Variants in AOPEP observed in about 807,000 individuals in gnomAD.
The protein encoded by AOPEP is aminopeptidase O (putative).
A neutral mutation model predicts 98.1 loss-of-function variants in AOPEP; 77 were observed. The observed-to-expected ratio is 0.78, with a 90% CI of 0.65 to 0.95. The LOEUF is 0.95. Among genes scored for constraint, AOPEP ranks in the 40% least tolerant of loss-of-function variants. AOPEP has a pLI of 0.00. For missense variants in AOPEP, 1,024 were observed against 1,024.7 expected, an observed-to-expected ratio of 1.00 and a Z score of 0.01; for synonymous variants, 346 against 365.3, an observed-to-expected ratio of 0.95 and a Z score of 0.60.
At chr9:94,762,956 G>A (rs111894478) in intron 2 of AOPEP, among the ~76,000 whole-genome samples, 37 of 152,266 alleles carry the variant, frequency 2.4e-4, no homozygotes, top group African/African-American at 7.0e-4. Flanking sequence ...TTACAGTTGC[G>A]TGAAAAACAT....
At chr9:94,849,008 A>T (rs1386061537) in intron 5 of AOPEP, among the ~76,000 whole-genome samples, 1 of 152,104 alleles carries the variant, frequency 6.6e-6, no homozygotes, top group Non-Finnish European at 1.5e-5. Flanking sequence ...CAAACTCCTG[A>T]CCTCAGGCGA....
chr9:95,108,373 C>CATT, the AOPEP span, among the ~76,000 whole-genome samples: 1 of 152,230 alleles, frequency 6.6e-6, no homozygotes, highest in Non-Finnish European at 1.5e-5. Flanking sequence ...AGCCCAAGGC[C>CATT]ATTCTGCCAT....
intron 4 of AOPEP, 21 bp downstream of exon 4, chr9:94,792,939 TG>T: frequency 6.5e-7 from 1 of 1,542,770 alleles, no homozygotes; most frequent in Non-Finnish European, 8.7e-7. Flanking sequence ...GGGGACTTGC[TG>T]GGAAGGAAAA....
chr9:94,829,640 ACAAAACACCCTTGTG>A (rs1276096168), intron 5 of AOPEP, among the ~76,000 whole-genome samples: 1 of 152,126 alleles, frequency 6.6e-6, no homozygotes, highest in Non-Finnish European at 1.5e-5. Context: ...AAAAGCTCCC[ACAAAACACCCTTGTG>A]AGTCCCCTCC....
intron 13 of AOPEP, 97 bp from the exon 14 acceptor site, chr9:95,060,597 A>G (rs974680366): frequency 1.3e-5 from 11 of 817,284 alleles, no homozygotes; most frequent in Non-Finnish European, 2.1e-5. Context: ...GAAAGCACCC[A>G]GGTTACCCTG....
chr9:95,026,026 T>G (rs1256073686), intron 13 of AOPEP, among the ~76,000 whole-genome samples: 1 of 152,240 alleles, frequency 6.6e-6, no homozygotes, highest in Non-Finnish European at 1.5e-5. Flanking sequence ...CGTGTTCCTT[T>G]ATTATCTTTA....
intron 5 of AOPEP, among the ~76,000 whole-genome samples, chr9:94,846,952 G>A (rs1251339440): frequency 2.0e-5 from 3 of 151,988 alleles, no homozygotes; most frequent in African/African-American, 4.8e-5. Context: ...AGAATGGAGC[G>A]GATAGTGGAT....
intron 13 of AOPEP, among the ~76,000 whole-genome samples, chr9:95,045,509 C>T (rs7871218): frequency 0.77 from 116,732 of 152,148 alleles, 46,907 homozygotes; most frequent in Non-Finnish European, 0.89. Flanking sequence ...CTTCTTGTTC[C>T]GGTCTTCCCG....
At chr9:94,774,180 C>T (rs1265876560) in intron 3 of AOPEP, among the ~76,000 whole-genome samples, 4 of 151,674 alleles carry the variant, frequency 2.6e-5, no homozygotes, top group African/African-American at 7.3e-5. Flanking sequence ...GGCGTGGGGG[C>T]GGTTGCCTGT....
At chr9:95,120,416 C>CTT in the AOPEP span, among the ~76,000 whole-genome samples, 1 of 138,606 alleles carries the variant, frequency 7.2e-6, no homozygotes. Flanking sequence ...CTTTTAAAAT[C>CTT]TTTTTTTTTT....
chr9:94,742,173 G>T (rs1833285614), intron 1 of AOPEP, among the ~76,000 whole-genome samples: 1 of 152,184 alleles, frequency 6.6e-6, no homozygotes, highest in Admixed American at 6.5e-5. Context: ...GAGAAGAGTT[G>T]TATACAAGAA....
chr9:94,995,130 G>A (rs2061140655), intron 11 of AOPEP, among the ~76,000 whole-genome samples: 1 of 152,168 alleles, frequency 6.6e-6, no homozygotes, highest in Admixed American at 6.5e-5. Context: ...ATACACACTT[G>A]TTTGTAGTAG....
At chr9:94,937,770 C>G (rs2056484793) in intron 7 of AOPEP, among the ~76,000 whole-genome samples, 2 of 152,190 alleles carry the variant, frequency 1.3e-5, no homozygotes, top group African/African-American at 4.8e-5. Context: ...CTCCTAGGCT[C>G]TCTTCTCTGT....
intron 1 of AOPEP, among the ~76,000 whole-genome samples, chr9:94,740,796 T>G (rs2131924081): frequency 6.6e-6 from 1 of 152,338 alleles, no homozygotes; most frequent in East Asian, 1.9e-4. Flanking sequence ...CTGTGTAACC[T>G]TAAGCAAGCT....
At chr9:94,979,710 G>A (rs2060060927) in intron 11 of AOPEP, among the ~76,000 whole-genome samples, 1 of 152,186 alleles carries the variant, frequency 6.6e-6, no homozygotes, top group Admixed American at 6.5e-5. Context: ...GTAGATTTTG[G>A]GTGGAACCAC....
chr9:94,798,892 A>G (rs1024103802), intron 4 of AOPEP, among the ~76,000 whole-genome samples: 4 of 152,260 alleles, frequency 2.6e-5, no homozygotes, highest in Non-Finnish European at 2.9e-5. Flanking sequence ...ATGTTCACCA[A>G]CAGGCACCTT....
At chr9:94,959,899 T>A (rs751039338) in intron 9 of AOPEP, among the ~76,000 whole-genome samples, 11 of 152,212 alleles carry the variant, frequency 7.2e-5, no homozygotes, top group Non-Finnish European at 1.2e-4. Context: ...TTTAATGAAG[T>A]GTTTTAAATT....
chr9:95,005,918 AAGGT>A (rs1209071406), intron 13 of AOPEP: 1 of 533,980 alleles, frequency 1.9e-6, no homozygotes, highest in Admixed American at 2.8e-5. Flanking sequence ...TCTCAGTGTT[AAGGT>A]ACCTCTGAAA....
intron 13 of AOPEP, among the ~76,000 whole-genome samples, chr9:95,047,418 T>C (rs1030915625): frequency 7.9e-5 from 12 of 152,194 alleles, no homozygotes; most frequent in African/African-American, 2.9e-4. Flanking sequence ...AGGCTTTGTT[T>C]TTGATGTTTT....
Sources: gnomAD v4.1 joint callset for allele counts (sites outside exome capture counted in the v4.1 genomes callset) on GRCh38, gnomAD v4.1.1 for gene constraint, MANE v1.5 for transcripts, NCBI Gene and HGNC (gene_info 2026-07-23, HGNC 2026-07-21) for gene names.